PIGX: variants seen among roughly 807,000 people sequenced by gnomAD.
The protein encoded by PIGX is GPI alpha-1,4-mannosyltransferase I, stabilizing subunit.
PIGX carries 24 observed loss-of-function variants against 28.7 expected under a neutral mutation model. That is an observed-to-expected ratio of 0.84 (90% CI 0.60 to 1.17). The LOEUF (loss-of-function observed/expected upper bound fraction) is 1.17. Among genes scored for constraint, PIGX ranks in the 50% most tolerant of loss-of-function variants. PIGX has a pLI of 0.00. For synonymous variants in PIGX, 127 were observed against 121.0 expected, an observed-to-expected ratio of 1.05 and a Z score of -0.33; for missense variants, 305 against 317.8, an observed-to-expected ratio of 0.96 and a Z score of 0.31.
rs1308809469 is a variant in PIGX at position 196,732,224 on chromosome 3, ATATATATATAT to A, written c.633+1133_633+1143del. On this transcript the variant is annotated intron_variant, in intron 5 of 5. Transcript: ENST00000392391. ...CTATATGTATATATTATTTATATAT[ATATATATATAT>A]ATATATATATATATATATATATTTT... Among the ~76,000 whole-genome samples, 273 of 30,992 alleles carry A rather than the reference ATATATATATAT, an allele frequency of 8.8e-3. 8 individuals carry two copies. Among genetic ancestry groups the A allele is most frequent in the African/African-American group, 0.036 (219 of 6,116 alleles). The allele number at this position is 30,992 out of a possible 152,430, so 20.3% of individuals were successfully genotyped here.
At chr3:196,713,987 T>C (rs1447439435) in intron 1 of PIGX, among the ~76,000 whole-genome samples, 2 of 152,186 alleles carry the variant, frequency 1.3e-5, no homozygotes, top group African/African-American at 4.8e-5. Flanking sequence ...ATCATGACAT[T>C]CTAGTATTTG....
At chr3:196,715,123 A>G (rs571584320) in intron 1 of PIGX, among the ~76,000 whole-genome samples, 2 of 152,220 alleles carry the variant, frequency 1.3e-5, no homozygotes, top group Non-Finnish European at 2.9e-5. Context: ...ACAAATAAAA[A>G]TCTGGATTGG....
intron 1 of PIGX, 165 bp downstream of exon 1, chr3:196,712,809 G>T: frequency 9.1e-7 from 1 of 1,104,580 alleles, no homozygotes; most frequent in East Asian, 5.2e-5. Context: ...CCTCCCGTGC[G>T]CTTTGCTCTG....
intron 5 of PIGX, among the ~76,000 whole-genome samples, chr3:196,732,219 TA>T (rs1560080451): frequency 0.11 from 1,777 of 15,730 alleles, 92 homozygotes; most frequent in African/African-American, 0.23. Flanking sequence ...ATATTATTTA[TA>T]TATATATATA....
chr3:196,728,899 G>A lies in PIGX; in HGVS notation c.532+763G>A, dbSNP rs1208057989. On this transcript the variant is annotated intron_variant, in intron 4 of 5. Coordinates refer to ENST00000392391, the MANE Select transcript of PIGX (RefSeq NM_017861.4). ...GTATTGCAGGACTCTGGCTTTTGAT[G>A]TTTTGTTTCTACTTGCATGTATTTT... 8 of 555,248 alleles carry A rather than the reference G, an allele frequency of 1.4e-5. No homozygotes were observed. In the East Asian group the frequency reaches 2.4e-4, roughly 16 times the overall value. The allele number at this position is 555,248 out of a possible 1,614,324, so 34.4% of individuals were successfully genotyped here. A position where few individuals can be genotyped will look rare whatever the true frequency, so the allele number is the denominator to read the frequency against.
chr3:196,732,221 TATATATATATATATATA>T (rs1560080482), intron 5 of PIGX, among the ~76,000 whole-genome samples: 645 of 23,060 alleles, frequency 0.028, 40 homozygotes, highest in Admixed American at 0.043. Context: ...ATTATTTATA[TATATATATATATATATA>T]TATATATATA....
At chr3:196,715,664 T>C (rs1013628766) in intron 1 of PIGX, among the ~76,000 whole-genome samples, 5 of 152,164 alleles carry the variant, frequency 3.3e-5, no homozygotes, top group Admixed American at 2.0e-4. Context: ...AAATAATATA[T>C]AGTTTTCTGT....
rs1345020249 is a variant in PIGX at position 196,712,502 on chromosome 3, C to T, written c.-31C>T. The T allele has an allele frequency of 8.4e-6, 9 of 1,068,118 alleles. No individual in the cohort carries two copies. The highest frequency in any genetic ancestry group is 3.7e-4 in the Middle Eastern group (1 of 2,670). 66.2% of individuals were successfully genotyped at this position (1,068,118 alleles called of 1,614,324 possible). ...TCCTGCGTCCGCACCTGGCCCCGCG[C>T]GCCCCTCTCGGGCGTCCGGCTTCCG... On this transcript the variant is annotated 5_prime_UTR_variant, in exon 1 of 6. Transcript: ENST00000392391.
At chr3:196,731,970 C>T (rs376387135) in intron 5 of PIGX, among the ~76,000 whole-genome samples, 2 of 151,322 alleles carry the variant, frequency 1.3e-5, no homozygotes, top group South Asian at 2.1e-4. Context: ...GGACTATAGG[C>T]GCCTGCCACC....
intron 3 of PIGX, among the ~76,000 whole-genome samples, chr3:196,727,172 C>T (rs140623786): frequency 1.4e-4 from 22 of 152,190 alleles, no homozygotes; most frequent in African/African-American, 5.3e-4. Flanking sequence ...CATACATATA[C>T]ACATAGGTCG....
chr3:196,729,638 C>T (rs1463957756), intron 4 of PIGX, among the ~76,000 whole-genome samples: 1 of 151,464 alleles, frequency 6.6e-6, no homozygotes, highest in Non-Finnish European at 1.5e-5. Context: ...CCACCCGCCT[C>T]GGCCTCCCAA....
intron 3 of PIGX, chr3:196,726,818 C>G (rs1712541892): frequency 6.2e-6 from 2 of 324,754 alleles, no homozygotes; most frequent in Admixed American, 7.6e-5. Context: ...AACCTTATAA[C>G]AGTAGATAGA....
chr3:196,723,903 G>C (rs1712420205), intron 3 of PIGX, among the ~76,000 whole-genome samples: 1 of 151,716 alleles, frequency 6.6e-6, no homozygotes, highest in African/African-American at 2.4e-5. Context: ...GGTATGCAAT[G>C]ATAACATTCT....
intron 2 of PIGX, among the ~76,000 whole-genome samples, 179 bp downstream of exon 2, chr3:196,717,100 A>G (rs577289023): frequency 1.3e-5 from 2 of 152,208 alleles, no homozygotes; most frequent in African/African-American, 4.8e-5. Context: ...GGAGTTTGAT[A>G]CCAGCCTGGC....
At chr3:196,728,289 CTATG>C in intron 4 of PIGX, 153 bp downstream of exon 4, 2 of 616,892 alleles carry the variant, frequency 3.2e-6, no homozygotes, top group Non-Finnish European at 5.8e-6. Flanking sequence ...ATTCACTAAA[CTATG>C]TATTTGAGTA....
intron 1 of PIGX, among the ~76,000 whole-genome samples, chr3:196,715,614 A>G (rs1345150926): frequency 6.6e-6 from 1 of 152,182 alleles, no homozygotes; most frequent in East Asian, 1.9e-4. Context: ...AATACATCTA[A>G]TGGATTCAGC....
intron 3 of PIGX, among the ~76,000 whole-genome samples, chr3:196,725,929 C>T (rs1712503410): frequency 6.6e-6 from 1 of 152,156 alleles, no homozygotes; most frequent in African/African-American, 2.4e-5. Context: ...AACTTATCTG[C>T]ATCCCAAACA....
At position 196,733,756 on chromosome 3, in the gene PIGX, T is replaced by C. The variant is rs766345549; in HGVS notation, c.634-3T>C. The C allele has an allele frequency of 1.9e-5, 30 of 1,588,686 alleles. 1 individual carries two copies. The South Asian group carries it at 3.3e-4, about 18-fold the overall frequency. ...TGTCTAACTTCTCTCTCTCTCTCCA[T>C]AGGTATATAAGAATGTGATTCTACA... On this transcript the variant is annotated splice_polypyrimidine_tract_variant and splice_region_variant and intron_variant, in intron 5 of 5. Transcript: ENST00000392391. The surrounding 1 kb of genome is among the most constrained non-coding windows in gnomAD (Gnocchi z 4.3).
At position 196,722,505 on chromosome 3, in the gene PIGX, T is replaced by A; in HGVS notation, c.267T>A (p.Leu89=). ...TTAAACAGGACATTCCTGCAGGACT[T>A]TATGTGGATCCGTATGAGTTGGCTT... Residue 89 remains leucine, a synonymous_variant, in exon 3 of 6, where the codon CTT becomes CTA. Coordinates refer to ENST00000392391, the MANE Select transcript of PIGX (RefSeq NM_017861.4). The A allele has an allele frequency of 6.2e-7, 1 of 1,613,440 alleles. No homozygotes were observed. The highest frequency in any genetic ancestry group is 8.5e-7 in the Non-Finnish European group (1 of 1,179,430).
Sources: gnomAD v4.1 joint callset for allele counts (sites outside exome capture counted in the v4.1 genomes callset) on GRCh38, gnomAD v4.1.1 for gene constraint, Gnocchi (gnomAD v3.1) non-coding constraint, MANE v1.5 for transcripts, NCBI Gene and HGNC (gene_info 2026-07-23, HGNC 2026-07-21) for gene names.